Variants in CTBP2 observed in about 807,000 individuals in gnomAD.
CTBP2 encodes C-terminal-binding protein 2.
Under a neutral mutation model 80.3 loss-of-function variants are expected in CTBP2, and 30 were observed. The observed-to-expected ratio is 0.37, with a 90% CI of 0.28 to 0.51. The LOEUF is 0.51. CTBP2 is among the 20% of genes least tolerant of loss of function. The pLI is 0.93. For missense variants in CTBP2, 1,212 were observed against 1,375.3 expected (o/e 0.88, Z 1.88); for synonymous variants, 594 against 587.4 (o/e 1.01, Z -0.16).
chr10:125,003,183 T>C, intron 2 of CTBP2, 79 bp from the exon 5 acceptor site: 8 of 1,597,798 alleles, frequency 5.0e-6, no homozygotes, highest in Non-Finnish European at 6.8e-6. Context: ...CCCCTGGCCC[T>C]ATCACCCTTG....
Position 124,989,002 on chromosome 10 carries a change from A to G in CTBP2, c.*516T>C, listed in dbSNP as rs754137457. The G allele has an allele frequency of 7.1e-5, 13 of 183,324 alleles. No individual in the cohort carries two copies. Among genetic ancestry groups the G allele is most frequent in the Non-Finnish European group, 6.9e-5 (6 of 87,170 alleles). 11.4% of individuals were successfully genotyped at this position (183,324 alleles called of 1,614,324 possible). On this transcript the variant is annotated 3_prime_UTR_variant, in exon 9 of 9. Transcript: ENST00000309035. ...TGTACAGCAGCCTGTACTGTCTTCA[A>G]TCCTATGCGTGCAGGTGTCTACCAC...
At chr10:125,005,126 C>T (rs1449457699) in intron 1 of CTBP2, among the ~76,000 whole-genome samples, 5 of 152,194 alleles carry the variant, frequency 3.3e-5, no homozygotes, top group Non-Finnish European at 7.4e-5. Context: ...TGGGGAGGGA[C>T]GGCCCAGAGC....
intron 1 of CTBP2, among the ~76,000 whole-genome samples, chr10:125,141,404 C>A (rs1328894601): frequency 6.6e-6 from 1 of 152,166 alleles, no homozygotes; most frequent in Non-Finnish European, 1.5e-5. Flanking sequence ...TCGGGGCCGG[C>A]ACCAGCCTCG....
chr10:125,114,634 C>T (rs1031446755), intron 1 of CTBP2, among the ~76,000 whole-genome samples: 2 of 152,124 alleles, frequency 1.3e-5, no homozygotes, highest in South Asian at 4.1e-4. Context: ...AGACTAGAAC[C>T]TTTAGAAGCC....
At chr10:124,996,027 C>T (rs969768315) in intron 4 of CTBP2, 1 of 150,692 alleles carries the variant, frequency 6.6e-6, no homozygotes, top group South Asian at 2.1e-4. Flanking sequence ...AGATTTGAAC[C>T]GTGCCGACGG....
intron 2 of CTBP2, among the ~76,000 whole-genome samples, chr10:125,086,612 T>TAA (rs1564885611): frequency 1.3e-5 from 1 of 74,458 alleles, no homozygotes; most frequent in African/African-American, 5.5e-5. Flanking sequence ...AAAATTTTAT[T>TAA]TAAAAAAAAA....
rs1025355163 is a variant in CTBP2 at position 125,038,906 on chromosome 10, G to C, written c.58+91C>G. ...AATCGGAGGAGGGACTCTGGCTTGG[G>C]GAGTGGCACAGCCAACTCAAGGGAG... is the stretch of plus-strand genomic sequence containing the variant. On this transcript the variant is annotated intron_variant, in intron 3 of 10. Coordinates refer to the CTBP2 transcript ENST00000337195. The C allele has an allele frequency of 7.1e-6, 9 of 1,271,358 alleles. No homozygotes were observed. In the African/African-American group the frequency reaches 1.2e-4, roughly 17 times the overall value. The allele number at this position is 1,271,358 out of a possible 1,614,324, so 78.8% of individuals were successfully genotyped here.
intron 2 of CTBP2, among the ~76,000 whole-genome samples, chr10:125,073,144 C>T (rs1248481463): frequency 6.6e-6 from 1 of 152,278 alleles, no homozygotes; most frequent in Non-Finnish European, 1.5e-5. Flanking sequence ...GGGCCACTCT[C>T]TTACATTTTA....
At chr10:125,093,850 T>C (rs1014994453) in intron 2 of CTBP2, among the ~76,000 whole-genome samples, 4 of 152,138 alleles carry the variant, frequency 2.6e-5, no homozygotes, top group Admixed American at 6.5e-5. Flanking sequence ...CTGCTCTGCA[T>C]TGGAAAACCC....
At position 125,027,038 on chromosome 10, in the gene CTBP2, G is replaced by A. The variant is rs566293502; in HGVS notation, c.722C>T (p.Ala241Val). 11 of 1,613,548 alleles carry A rather than the reference G, an allele frequency of 6.8e-6. No homozygotes were observed. The highest frequency in any genetic ancestry group is 1.7e-5 in the Admixed American group (1 of 60,014). The change falls in exon 1 of 9, where the codon GCC (alanine) becomes GTC (valine). Residue 241 changes from alanine (A) to valine (V), a missense_variant. By Grantham distance (64) the Ala-to-Val change is moderately conservative. Transcript: ENST00000309035. ...GGCCACCCCTGTGCTGCCTTCGGGG[G>A]CAGCAGCTGAACTGGGGTCCACAAC...
chr10:125,005,542 C>T (rs1955124998), intron 1 of CTBP2: 1 of 1,607,612 alleles, frequency 6.2e-7, no homozygotes, highest in Non-Finnish European at 8.5e-7. Flanking sequence ...CCCCCGTGTC[C>T]TCACCAGCCC....
chr10:125,106,112 C>A (rs1231614515), intron 2 of CTBP2, among the ~76,000 whole-genome samples: 1 of 152,210 alleles, frequency 6.6e-6, no homozygotes, highest in Admixed American at 6.5e-5. Context: ...CTGTCTAGGG[C>A]ACAAGGGGGT....
intron 1 of CTBP2, among the ~76,000 whole-genome samples, chr10:125,128,822 T>C (rs1254348424): frequency 6.6e-6 from 1 of 152,216 alleles, no homozygotes; most frequent in Non-Finnish European, 1.5e-5. Context: ...AATGAAATCA[T>C]ATGTCCACAA....
At chr10:125,006,397 G>C (rs1444010039) in intron 1 of CTBP2, among the ~76,000 whole-genome samples, 9 of 152,178 alleles carry the variant, frequency 5.9e-5, no homozygotes, top group East Asian at 1.9e-4. Flanking sequence ...CTGGGCATGA[G>C]AGCTTAGCTG....
chr10:124,991,251 C>T (rs900881120), intron 8 of CTBP2, among the ~76,000 whole-genome samples: 2 of 152,202 alleles, frequency 1.3e-5, no homozygotes, highest in Admixed American at 1.3e-4. Flanking sequence ...ATGGTAGCCA[C>T]CCCACCCCCA....
intron 1 of CTBP2, among the ~76,000 whole-genome samples, chr10:125,022,558 C>A (rs1054484445): frequency 6.6e-6 from 1 of 152,192 alleles, no homozygotes; most frequent in African/African-American, 2.4e-5. Context: ...GAACAAGCCT[C>A]TAAGCTCACG....
At chr10:125,064,662 G>A (rs1422674285) in intron 2 of CTBP2, among the ~76,000 whole-genome samples, 1 of 152,208 alleles carries the variant, frequency 6.6e-6, no homozygotes, top group East Asian at 1.9e-4. Context: ...ATAAAAATCA[G>A]AGAAGTTTAG....
intron 2 of CTBP2, among the ~76,000 whole-genome samples, chr10:125,067,710 A>G (rs1246121035): frequency 6.6e-6 from 1 of 152,224 alleles, no homozygotes; most frequent in African/African-American, 2.4e-5. Context: ...CTCTCAAAGC[A>G]GTAAGTTATA....
At chr10:124,991,331 G>A (rs1486336545) in intron 8 of CTBP2, among the ~76,000 whole-genome samples, 2 of 152,132 alleles carry the variant, frequency 1.3e-5, no homozygotes, top group African/African-American at 4.8e-5. Flanking sequence ...CTTCCTCAGT[G>A]CACACATACT....
Sources: allele counts gnomAD v4.1 joint callset (sites outside exome capture counted in the v4.1 genomes callset), GRCh38; gene constraint gnomAD v4.1.1; transcripts MANE v1.5; gene names NCBI Gene and HGNC (gene_info 2026-07-23, HGNC 2026-07-21).